ADGB: variants seen among roughly 807,000 people sequenced by gnomAD.
ADGB encodes calpain-7-like protein.
In ADGB, 172 loss-of-function variants were observed where a neutral mutation model predicts 210.5. That is an observed-to-expected ratio of 0.82 (90% confidence interval 0.72 to 0.93). The LOEUF is 0.93. Among genes scored for constraint, ADGB ranks in the 40% least tolerant of loss-of-function variants. The pLI is 0.00. For missense variants in ADGB, 2,025 were observed against 1,964.8 expected (o/e 1.03, Z -0.58); for synonymous variants, 658 against 662.7 (o/e 0.99, Z 0.11).
chr6:146,806,870 T>G, intron 35 of ADGB, among the ~76,000 whole-genome samples: 1 of 152,184 alleles, frequency 6.6e-6, no homozygotes, highest in East Asian at 1.9e-4. Flanking sequence ...TAAGCAAGAA[T>G]AAGAACAGTA....
At chr6:146,802,161 A>C in intron 35 of ADGB, 150 bp downstream of exon 35, 1 of 508,226 alleles carries the variant, frequency 2.0e-6, no homozygotes, top group Middle Eastern at 5.9e-4. Flanking sequence ...AACATCACAA[A>C]TTTGATTCTA....
chr6:146,789,603 A>G (rs1052076282), intron 33 of ADGB, among the ~76,000 whole-genome samples: 34 of 152,226 alleles, frequency 2.2e-4, no homozygotes, highest in Non-Finnish European at 4.4e-5. Flanking sequence ...TATACTAACA[A>G]GAGATTCTGA....
intron 29 of ADGB, among the ~76,000 whole-genome samples, chr6:146,780,263 A>T (rs1777779793): frequency 6.6e-6 from 1 of 152,192 alleles, no homozygotes; most frequent in Non-Finnish European, 1.5e-5. Flanking sequence ...AAGGGAATTA[A>T]AAAGTAAACA....
chr6:146,777,014 G>C (rs1360577733), intron 29 of ADGB, among the ~76,000 whole-genome samples: 1 of 151,906 alleles, frequency 6.6e-6, no homozygotes, highest in Non-Finnish European at 1.5e-5. Flanking sequence ...TGGCAGAAGG[G>C]ACAGTTTCCA....
chr6:146,672,511 A>G (rs1450780712), intron 8 of ADGB, 44 bp downstream of exon 8: 33 of 1,476,072 alleles, frequency 2.2e-5, no homozygotes, highest in Non-Finnish European at 2.7e-5. Flanking sequence ...TGGACATTGC[A>G]TATAAATGCC....
intron 35 of ADGB, among the ~76,000 whole-genome samples, chr6:146,814,818 TA>T: frequency 6.6e-6 from 1 of 152,366 alleles, no homozygotes; most frequent in Non-Finnish European, 1.5e-5. Flanking sequence ...CAAATGTTTT[TA>T]TTTTGCCATA....
In ADGB at chr6:146,721,440, A is replaced by C. The variant is rs1359535308; in HGVS notation, c.2030A>C (p.Asp677Ala). Residue 677 changes from aspartate to alanine, a missense_variant, in exon 17 of 36, where the codon GAT becomes GCT. Transcript: ENST00000397944. ...CGAGTGTCCTACTATCTATTTGTAG[A>C]TAGTCTAAAACCTATTGAACTACTG... ...EERVSYYLFV[D>A]SLKPIELLVC... The C allele has an allele frequency of 6.4e-7, 1 of 1,551,312 alleles. No individual in the cohort carries two copies. The highest frequency in any genetic ancestry group is 2.0e-5 in the Admixed American group (1 of 51,002).
At chr6:146,740,854 A>G (rs1275031717) in intron 24 of ADGB, among the ~76,000 whole-genome samples, 5 of 152,134 alleles carry the variant, frequency 3.3e-5, no homozygotes, top group African/African-American at 1.2e-4. Context: ...ATATGCTTTT[A>G]GTATAGAAAA....
intron 33 of ADGB, among the ~76,000 whole-genome samples, chr6:146,793,046 A>G (rs1222770374): frequency 6.6e-6 from 1 of 152,158 alleles, no homozygotes; most frequent in Non-Finnish European, 1.5e-5. Context: ...GGACCCAAGC[A>G]GGTTGCTGCT....
At chr6:146,705,841 T>G (rs149430592) in intron 13 of ADGB, among the ~76,000 whole-genome samples, 12 of 152,300 alleles carry the variant, frequency 7.9e-5, no homozygotes, top group African/African-American at 2.4e-4. Context: ...TGGAAGACTT[T>G]GAGAAGGATG....
chr6:146,804,591 A>G (rs907736890), intron 35 of ADGB, among the ~76,000 whole-genome samples: 7 of 152,308 alleles, frequency 4.6e-5, no homozygotes, highest in African/African-American at 1.4e-4. Context: ...CGTGCGATCA[A>G]TTGTCAGAAC....
intron 1 of ADGB, among the ~76,000 whole-genome samples, chr6:146,615,824 G>A (rs1780790817): frequency 6.6e-6 from 1 of 152,276 alleles, no homozygotes. Context: ...TGATGGACAT[G>A]TAAGTTGATT....
At chr6:146,718,428 C>A (rs1776767573) in intron 16 of ADGB, among the ~76,000 whole-genome samples, 1 of 150,840 alleles carries the variant, frequency 6.6e-6, no homozygotes, top group Non-Finnish European at 1.5e-5. Flanking sequence ...CCCACCCTCC[C>A]AACTTTCTGA....
chr6:146,650,510 G>A (rs1775685167), intron 3 of ADGB, among the ~76,000 whole-genome samples: 1 of 142,800 alleles, frequency 7.0e-6, no homozygotes, highest in Non-Finnish European at 1.5e-5. Context: ...TGGAGTCCCA[G>A]GTAAACTAGA....
chr6:146,668,727 A>C (rs1775968932), intron 7 of ADGB, among the ~76,000 whole-genome samples: 4 of 152,130 alleles, frequency 2.6e-5, no homozygotes, highest in Admixed American at 2.6e-4. Flanking sequence ...ATTCTACCAG[A>C]GGATGGTAAA....
chr6:146,723,028 T>C (rs1004766875), intron 17 of ADGB, among the ~76,000 whole-genome samples: 2 of 152,250 alleles, frequency 1.3e-5, no homozygotes, highest in African/African-American at 4.8e-5. Flanking sequence ...TAATACTGAA[T>C]GTTTTGTCAA....
chr6:146,676,695 G>T (rs746178739), intron 9 of ADGB, among the ~76,000 whole-genome samples: 1 of 152,070 alleles, frequency 6.6e-6, no homozygotes, highest in Non-Finnish European at 1.5e-5. Flanking sequence ...TCTGCTGGTC[G>T]CTTTCAGGTA....
At chr6:146,704,776 A>T (rs570511605) in intron 13 of ADGB, among the ~76,000 whole-genome samples, 2 of 151,936 alleles carry the variant, frequency 1.3e-5, no homozygotes, top group East Asian at 3.9e-4. Context: ...TTTCACATGG[A>T]TTTTAGGATG....
chr6:146,801,122 G>T, intron 33 of ADGB, 61 bp from the exon 34 acceptor site: 1 of 849,368 alleles, frequency 1.2e-6, no homozygotes. Context: ...ATAGTCATTT[G>T]GTTAGTCATT....
Sources: gnomAD v4.1 joint callset for allele counts (sites outside exome capture counted in the v4.1 genomes callset) on GRCh38, gnomAD v4.1.1 for gene constraint, MANE v1.5 for transcripts, NCBI Gene and HGNC (gene_info 2026-07-23, HGNC 2026-07-21) for gene names.